The following RYR3 variants were observed in gnomAD, a reference collection of about 807,000 sequenced individuals.
RYR3 encodes the protein ryanodine receptor 3.
In RYR3, 207 loss-of-function variants were observed where a neutral mutation model predicts 584.3. The observed-to-expected ratio is 0.35, with a 90% CI of 0.32 to 0.40. RYR3 has a LOEUF of 0.40. Ranked by LOEUF, RYR3 falls within the 10% of genes least tolerant of loss-of-function variation. The pLI, the probability that RYR3 is intolerant of heterozygous loss-of-function variation, is 1.00. For synonymous variants in RYR3, 2,416 were observed against 2,248.5 expected (o/e 1.07, Z -2.11); for missense variants, 5,616 against 6,089.2 (o/e 0.92, Z 2.59).
At chr15:33,777,788 GAAA>G (rs71117173) in intron 64 of RYR3, among the ~76,000 whole-genome samples, 6 of 144,184 alleles carry the variant, frequency 4.2e-5, no homozygotes, top group African/African-American at 1.0e-4. Context: ...AAAGAAAGAG[GAAA>G]AAAAAAAAAA....
chr15:33,826,644 A>T, intron 83 of RYR3, 28 bp from the exon 84 acceptor site: 1 of 1,577,410 alleles, frequency 6.3e-7, no homozygotes, highest in Non-Finnish European at 8.7e-7. Flanking sequence ...AGCCAAACCA[A>T]TGCTCATCAA....
intron 63 of RYR3, 36 bp from the exon 64 acceptor site, chr15:33,773,498 T>A: frequency 6.9e-7 from 1 of 1,455,370 alleles, no homozygotes; most frequent in South Asian, 1.2e-5. Flanking sequence ...GTATTCAGGA[T>A]TGATGCAAAT....
Position 33,785,852 on chromosome 15 carries a change from G to GC in RYR3, c.9465dup (p.Ser3156GlnfsTer12), listed in dbSNP as rs2074674400. Reference sequence around the variant, plus strand: ...GGTGGGAGCGGGGTCCTGAGAACCTGCCCCCCAGCACAGGGCCATGCTGCA... The same window carrying GC: ...GGTGGGAGCGGGGTCCTGAGAACCTGCCCCCCCAGCACAGGGCCATGCTGCA... On this transcript the variant is annotated frameshift_variant, in exon 66 of 104. Coordinates refer to ENST00000634891, the MANE Select transcript of RYR3 (RefSeq NM_001036.6). LOFTEE classifies it high-confidence loss of function. The GC allele has an allele frequency of 6.2e-7, 1 of 1,613,774 alleles. No individual in the cohort carries two copies. Among genetic ancestry groups the GC allele is most frequent in the Non-Finnish European group, 8.5e-7 (1 of 1,179,836 alleles).
At chr15:33,446,361 CT>C (rs2046663290) in intron 1 of RYR3, among the ~76,000 whole-genome samples, 1 of 152,160 alleles carries the variant, frequency 6.6e-6, no homozygotes, top group South Asian at 2.1e-4. Context: ...TGAAAATAAG[CT>C]TAATGTGTTT....
intron 1 of RYR3, among the ~76,000 whole-genome samples, chr15:33,333,577 A>C (rs1199116222): frequency 1.3e-5 from 2 of 152,192 alleles, no homozygotes; most frequent in African/African-American, 4.8e-5. Context: ...TGACAAACCC[A>C]CAGCCAACAT....
At chr15:33,384,280 G>A (rs964782947) in intron 1 of RYR3, among the ~76,000 whole-genome samples, 3 of 151,922 alleles carry the variant, frequency 2.0e-5, no homozygotes, top group Non-Finnish European at 4.4e-5. Flanking sequence ...CAAGGCACAC[G>A]AAAAGGTAAA....
chr15:33,651,243 C>T (rs1450683418), intron 31 of RYR3, among the ~76,000 whole-genome samples: 2 of 152,162 alleles, frequency 1.3e-5, no homozygotes, highest in East Asian at 1.9e-4. Context: ...GAATTTGGGC[C>T]CTTTAATGTA....
At chr15:33,427,330 TG>T (rs1244921507) in intron 1 of RYR3, among the ~76,000 whole-genome samples, 4 of 152,212 alleles carry the variant, frequency 2.6e-5, no homozygotes, top group Non-Finnish European at 4.4e-5. Flanking sequence ...GATTCAAAGC[TG>T]GGTGCAATAG....
At chr15:33,588,032 T>G (rs1225919524) in intron 16 of RYR3, among the ~76,000 whole-genome samples, 1 of 152,212 alleles carries the variant, frequency 6.6e-6, no homozygotes, top group African/African-American at 2.4e-5. Flanking sequence ...ATGCAGAATT[T>G]TAAAGCCACA....
chr15:33,696,215 C>T lies in RYR3; in HGVS notation c.5861-3C>T, dbSNP rs749850251. ...GTCCTGCTCCCTCCTGTTGTCCTTCCAGCAACATTGAAGGAACTCATCTCA... is the reference window on the plus strand; with the variant it reads ...GTCCTGCTCCCTCCTGTTGTCCTTCTAGCAACATTGAAGGAACTCATCTCA... On this transcript the variant is annotated splice_polypyrimidine_tract_variant and splice_region_variant and intron_variant, in intron 38 of 103. Coordinates refer to ENST00000634891, the MANE Select transcript of RYR3 (RefSeq NM_001036.6). 25 of 1,611,758 alleles carry T rather than the reference C, an allele frequency of 1.6e-5. No individual in the cohort carries two copies. The highest frequency in any genetic ancestry group is 1.6e-4 in the Middle Eastern group (1 of 6,068).
At chr15:33,359,764 G>T (rs1462054835) in intron 1 of RYR3, among the ~76,000 whole-genome samples, 1 of 151,856 alleles carries the variant, frequency 6.6e-6, no homozygotes, top group Admixed American at 6.6e-5. Flanking sequence ...GACTACAGGC[G>T]CCCACCACCA....
chr15:33,374,879 C>G (rs1442415419), intron 1 of RYR3, among the ~76,000 whole-genome samples: 2 of 152,186 alleles, frequency 1.3e-5, no homozygotes, highest in East Asian at 3.9e-4. Flanking sequence ...CAGGGCAAAT[C>G]AGAGCTTGCA....
intron 1 of RYR3, among the ~76,000 whole-genome samples, chr15:33,423,115 A>T (rs1031840284): frequency 1.3e-5 from 2 of 152,150 alleles, no homozygotes; most frequent in Admixed American, 6.5e-5. Context: ...AAACATCTCC[A>T]TTACCACAAA....
At chr15:33,327,072 G>T (rs190106525) in intron 1 of RYR3, among the ~76,000 whole-genome samples, 11 of 151,796 alleles carry the variant, frequency 7.2e-5, no homozygotes, top group Non-Finnish European at 1.3e-4. Flanking sequence ...AAGACGAGAC[G>T]CATGTTACAT....
chr15:33,582,894 A>G (rs1017498043), intron 14 of RYR3, among the ~76,000 whole-genome samples: 1 of 152,188 alleles, frequency 6.6e-6, no homozygotes, highest in African/African-American at 2.4e-5. Context: ...TCCAATTCAA[A>G]CCTATCATGT....
chr15:33,445,715 G>GA (rs1458732697), intron 1 of RYR3, among the ~76,000 whole-genome samples: 1 of 62,126 alleles, frequency 1.6e-5, no homozygotes. Flanking sequence ...ACACACACAC[G>GA]AAAGCCATTT....
intron 57 of RYR3, among the ~76,000 whole-genome samples, chr15:33,750,842 T>A (rs758011799): frequency 1.2e-4 from 18 of 152,186 alleles, no homozygotes; most frequent in Non-Finnish European, 2.2e-4. Flanking sequence ...CATCTACATT[T>A]GGTATTTCTC....
chr15:33,826,572 T>A, intron 83 of RYR3, 100 bp from the exon 84 acceptor site: 1 of 1,105,260 alleles, frequency 9.0e-7, no homozygotes, highest in East Asian at 2.4e-5. Flanking sequence ...TCCAAACCAT[T>A]CTGACACAAC....
intron 48 of RYR3, among the ~76,000 whole-genome samples, chr15:33,733,729 G>T (rs1005737674): frequency 6.6e-6 from 1 of 152,150 alleles, no homozygotes; most frequent in Non-Finnish European, 1.5e-5. Context: ...TGTAAATTAT[G>T]AAATTTGGGT....
Sources: gnomAD v4.1 joint callset for allele counts (sites outside exome capture counted in the v4.1 genomes callset) on GRCh38, gnomAD v4.1.1 for gene constraint, MANE v1.5 for transcripts, NCBI Gene and HGNC (gene_info 2026-07-23, HGNC 2026-07-21) for gene names.